The following PRCD variants were observed in gnomAD, a reference collection of about 807,000 sequenced individuals.
PRCD encodes the protein photoreceptor disk component PRCD.
Under a neutral mutation model 10.1 loss-of-function variants are expected in PRCD, and 12 were observed. The observed-to-expected ratio is 1.18, with a 90% CI of 0.76 to 1.92. PRCD has a LOEUF of 1.92. Ranked by LOEUF, PRCD falls within the 40% of genes most tolerant of loss-of-function variation. PRCD has a pLI of 0.00. For synonymous variants in PRCD, 31 were observed against 26.2 expected, an observed-to-expected ratio of 1.18 and a Z score of -0.56; for missense variants, 61 against 72.2, an observed-to-expected ratio of 0.84 and a Z score of 0.56.
downstream of PRCD, among the ~76,000 whole-genome samples, chr17:76,548,164 C>T (rs912824944): frequency 3.9e-4 from 59 of 152,200 alleles, no homozygotes; most frequent in African/African-American, 1.4e-3. Flanking sequence ...CACACATACA[C>T]ACACACATAT....
In PRCD at chr17:76,533,837, C is replaced by G. The variant is rs2074879090; in HGVS notation, n.45+6004C>G. 2.6e-5 allele frequency among the ~76,000 whole-genome samples: 4 copies of G among 152,210 alleles called. No individual in the cohort carries two copies. The highest frequency in any genetic ancestry group is 2.1e-4 in the South Asian group (1 of 4,818). On this transcript the variant is annotated intron_variant and non_coding_transcript_variant, in intron 1 of 4. Coordinates refer to the PRCD transcript ENST00000397633. This position sits in a 1 kb window ranked among gnomAD's most constrained non-coding sequence, Gnocchi z 4.5. ...TTGAGGCCAGGAGTTTGAGACCAGC[C>G]TGGGCAACATAGTGAGATCCTGTCT...
At chr17:76,534,098 TTTTTCTTTCTTTCTTC>T (rs1187546342) in intron 1 of PRCD, among the ~76,000 whole-genome samples, 177 of 4,518 alleles carry the variant, frequency 0.039, no homozygotes, top group South Asian at 0.12. Flanking sequence ...ACCTTTTTTC[TTTTTCTTTCTTTCTTC>T]TTTCTTTCTT....
chr17:76,531,312 C>A lies in PRCD; in HGVS notation n.45+3479C>A. The stretch of plus-strand genomic sequence containing the variant: ...AAGGGTTGCCCTGGACCCAGCCCCT[C>A]CATCCTGCTGCCGGGCACTGCCCCT... On this transcript the variant is annotated intron_variant and non_coding_transcript_variant, in intron 1 of 4. Coordinates refer to the PRCD transcript ENST00000397633. The surrounding 1 kb of genome is among the most constrained non-coding windows in gnomAD (Gnocchi z 7.4). 8.3e-7 allele frequency: 1 copy of A among 1,205,414 alleles called. No individual in the cohort carries two copies. The highest frequency in any genetic ancestry group is 1.2e-6 in the Non-Finnish European group (1 of 863,604). The allele number at this position is 1,205,414 out of a possible 1,614,324, so 74.7% of individuals were successfully genotyped here.
intron 1 of PRCD, among the ~76,000 whole-genome samples, chr17:76,534,801 G>C (rs969252690): frequency 2.0e-5 from 3 of 152,218 alleles, no homozygotes; most frequent in Non-Finnish European, 4.4e-5. Flanking sequence ...CCACCACCGG[G>C]TTGTGGCCCT....
upstream of PRCD, among the ~76,000 whole-genome samples, chr17:76,539,399 C>T (rs551233681): frequency 7.9e-5 from 12 of 152,316 alleles, no homozygotes; most frequent in Non-Finnish European, 1.0e-4. Context: ...TTGTAAGTGG[C>T]TGCACCTGTC....
upstream of PRCD, chr17:76,537,320 G>A: frequency 7.1e-7 from 1 of 1,417,570 alleles, no homozygotes; most frequent in Non-Finnish European, 9.2e-7. Flanking sequence ...CTGGAGCTCG[G>A]ACCCGGGCCC....
intron 1 of PRCD, chr17:76,527,946 G>A (rs370174009): frequency 1.3e-5 from 5 of 387,604 alleles, no homozygotes; most frequent in Non-Finnish European, 2.1e-5. Flanking sequence ...CCGCCAAGCC[G>A]GGTTGCCCCA....
chr17:76,548,908 C>G (rs898111911), downstream of PRCD, among the ~76,000 whole-genome samples: 3 of 152,148 alleles, frequency 2.0e-5, no homozygotes, highest in African/African-American at 7.2e-5. Flanking sequence ...GAGACAGTTC[C>G]CTGACTGTGC....
At position 76,540,250 on chromosome 17, in the gene PRCD, TCGGG is replaced by T; in HGVS notation, c.74+36_74+39del. ...TGACCGGGCTATGGCTGGCGGTTGG[TCGGG>T]GGGGGGGGGCATGGGGCTGGGCTGC... is the stretch of plus-strand genomic sequence containing the variant. On this transcript the variant is annotated intron_variant, in intron 1 of 4. Transcript: ENST00000592014. The surrounding 1 kb of genome is among the most constrained non-coding windows in gnomAD (Gnocchi z 5.0). The T allele has an allele frequency of 1.1e-4, 51 of 463,658 alleles. 12 individuals carry two copies. Among genetic ancestry groups the T allele is most frequent in the Non-Finnish European group, 1.3e-4 (35 of 276,404 alleles). The allele number at this position is 463,658 out of a possible 1,614,324, so 28.7% of individuals were successfully genotyped here. A position where few individuals can be genotyped will look rare whatever the true frequency, so the allele number is the denominator to read the frequency against.
At chr17:76,535,612 A>C (rs565606683), upstream of PRCD, among the ~76,000 whole-genome samples, 1 of 152,246 alleles carries the variant, frequency 6.6e-6, no homozygotes, top group African/African-American at 2.4e-5. Flanking sequence ...CACTGAGTGC[A>C]TTGGTAATGA....
Position 76,528,719 on chromosome 17 carries a change from G to C in PRCD, n.45+886G>C. The C allele has an allele frequency of 8.9e-7, 1 of 1,122,936 alleles. No individual in the cohort carries two copies. Among genetic ancestry groups the C allele is most frequent in the Non-Finnish European group, 1.1e-6 (1 of 875,188 alleles). 69.6% of individuals were successfully genotyped at this position (1,122,936 alleles called of 1,614,324 possible). A position where few individuals can be genotyped will look rare whatever the true frequency, so the allele number is the denominator to read the frequency against. On this transcript the variant is annotated intron_variant and non_coding_transcript_variant, in intron 1 of 4. Coordinates refer to the PRCD transcript ENST00000397633. This position sits in a 1 kb window ranked among gnomAD's most constrained non-coding sequence, Gnocchi z 5.8. The stretch of plus-strand genomic sequence containing the variant: ...TGGCGAGGCTCACTTCCTGCCAAGA[G>C]ATCCGGCACAGTGCAGTTGAAAGCA...
chr17:76,547,824 ACACACAC>A (rs1448145090), downstream of PRCD, among the ~76,000 whole-genome samples: 1 of 140,672 alleles, frequency 7.1e-6, no homozygotes, highest in African/African-American at 3.0e-5. Context: ...ATTCACACAC[ACACACAC>A]AACACACATT....
rs3217541 is a variant in PRCD at position 76,531,764 on chromosome 17, T to TG, written n.45+3936dup. ...GCCCACCCTGAAGCTTCCAGGATAG[T>TG]GGGGGCTGAAGAAGTGGACCGCAGT... is the stretch of plus-strand genomic sequence containing the variant. On this transcript the variant is annotated intron_variant and non_coding_transcript_variant, in intron 1 of 4. Transcript: ENST00000397633. This position sits in a 1 kb window ranked among gnomAD's most constrained non-coding sequence, Gnocchi z 7.4. 0.31 allele frequency: 391,900 copies of TG among 1,265,656 alleles called. 66,535 individuals are homozygous for TG. The highest frequency in any genetic ancestry group is 0.42 in the East Asian group (17,673 of 41,958). 78.4% of individuals were successfully genotyped at this position (1,265,656 alleles called of 1,614,324 possible).
rs1231901422 is a variant in PRCD at position 76,531,086 on chromosome 17, T to A, written n.45+3253T>A. ...TGGCCCAGGCTCTCTGCGTCTCAGG[T>A]GGGAAGTCACTGGCAAATTCCTCGG... On this transcript the variant is annotated intron_variant and non_coding_transcript_variant, in intron 1 of 4. Transcript: ENST00000397633. The surrounding 1 kb of genome is among the most constrained non-coding windows in gnomAD (Gnocchi z 7.4). 2.5e-5 allele frequency: 40 copies of A among 1,613,468 alleles called. No individual in the cohort carries two copies. Among genetic ancestry groups the A allele is most frequent in the Non-Finnish European group, 3.4e-5 (40 of 1,179,846 alleles).
intron 1 of PRCD, chr17:76,550,888 C>T (rs140579323): frequency 6.6e-6 from 1 of 152,210 alleles, no homozygotes. Context: ...TGCTAAGTGC[C>T]CCGAAGCACT....
In PRCD at chr17:76,531,851, C is replaced by G. The variant is rs559693514; in HGVS notation, n.45+4018C>G. 1.3e-4 allele frequency: 81 copies of G among 619,250 alleles called. No homozygotes were observed. In the East Asian group the frequency reaches 2.3e-3, roughly 17 times the overall value. 38.4% of individuals were successfully genotyped at this position (619,250 alleles called of 1,614,324 possible). A position where few individuals can be genotyped will look rare whatever the true frequency, so the allele number is the denominator to read the frequency against. On this transcript the variant is annotated intron_variant and non_coding_transcript_variant, in intron 1 of 4. Transcript: ENST00000397633. The surrounding 1 kb of genome is among the most constrained non-coding windows in gnomAD (Gnocchi z 7.4). ...ATCAGTAGACCTCAGCATAGACCCT[C>G]CTCCCTCTGGCCAAGCCGGCTCACC...
chr17:76,548,005 CACACAT>C (rs372488506), downstream of PRCD, among the ~76,000 whole-genome samples: 9 of 152,096 alleles, frequency 5.9e-5, no homozygotes, highest in African/African-American at 2.2e-4. Context: ...CACACACATT[CACACAT>C]ACACATGCAT....
Position 76,531,225 on chromosome 17 carries a change from G to A in PRCD, n.45+3392G>A. Reference sequence around the variant, plus strand: ...CCCAGGCCCCTCCGCCCCACGTGTGGCCGAGAGGATCATTCCTAACGCAAC... The same window carrying A: ...CCCAGGCCCCTCCGCCCCACGTGTGACCGAGAGGATCATTCCTAACGCAAC... On this transcript the variant is annotated intron_variant and non_coding_transcript_variant, in intron 1 of 4. Coordinates refer to the PRCD transcript ENST00000397633. The surrounding 1 kb of genome is among the most constrained non-coding windows in gnomAD (Gnocchi z 7.4). The A allele has an allele frequency of 7.0e-7, 1 of 1,431,340 alleles. No homozygotes were observed. The highest frequency in any genetic ancestry group is 9.6e-7 in the Non-Finnish European group (1 of 1,045,186). 88.7% of individuals were successfully genotyped at this position (1,431,340 alleles called of 1,614,324 possible).
chr17:76,547,951 T>C (rs2075070786), downstream of PRCD, among the ~76,000 whole-genome samples: 1 of 149,010 alleles, frequency 6.7e-6, no homozygotes, highest in Non-Finnish European at 1.5e-5. Context: ...TTCACACACA[T>C]ATACACACAC....
Sources: allele counts gnomAD v4.1 joint callset (sites outside exome capture counted in the v4.1 genomes callset), GRCh38; gene constraint gnomAD v4.1.1; non-coding constraint Gnocchi (gnomAD v3.1); transcripts MANE v1.5; gene names NCBI Gene and HGNC (gene_info 2026-07-23, HGNC 2026-07-21).